The following RBFOX1 variants were observed in gnomAD, a reference collection of about 807,000 sequenced individuals.
The protein encoded by RBFOX1 is RNA binding fox-1 homolog 1.
In RBFOX1, 8 loss-of-function variants were observed where a neutral mutation model predicts 57.7. That is an observed-to-expected ratio of 0.14 (90% CI 0.08 to 0.25). RBFOX1 has a LOEUF of 0.25. Among genes scored for constraint, RBFOX1 ranks in the 10% least tolerant of loss-of-function variants. The pLI is 1.00. For synonymous variants in RBFOX1, 326 were observed against 222.4 expected (o/e 1.47, Z -4.15); for missense variants, 611 against 548.5 (o/e 1.11, Z -1.14).
At chr16:6,410,876 C>A (rs1048787308) in intron 2 of RBFOX1, among the ~76,000 whole-genome samples, 1 of 152,188 alleles carries the variant, frequency 6.6e-6, no homozygotes, top group African/African-American at 2.4e-5. Context: ...CTCTGAGCTT[C>A]AGGTTTCTCA....
intron 1 of RBFOX1, among the ~76,000 whole-genome samples, chr16:5,272,360 G>A (rs2063033552): frequency 6.6e-6 from 1 of 152,088 alleles, no homozygotes; most frequent in Non-Finnish European, 1.5e-5. Context: ...AATAACGTTA[G>A]TTAAAAAAAT....
intron 10 of RBFOX1, among the ~76,000 whole-genome samples, chr16:7,626,706 T>A (rs538996969): frequency 3.4e-4 from 50 of 149,230 alleles, no homozygotes; most frequent in African/African-American, 1.1e-3. Flanking sequence ...ACATGTAGTG[T>A]GTAAATCTAT....
chr16:6,895,430 GTGTGTGTGTGTGTGTGTGTATATA>G (rs2066540354), intron 3 of RBFOX1, among the ~76,000 whole-genome samples: 1 of 68,104 alleles, frequency 1.5e-5, no homozygotes, highest in South Asian at 5.5e-4. Context: ...GTGTGTGTGT[GTGTGTGTGTGTGTGTGTGTATATA>G]TATATATATA....
chr16:5,753,264 T>A (rs1017251414), intron 3 of RBFOX1, among the ~76,000 whole-genome samples: 2 of 152,082 alleles, frequency 1.3e-5, no homozygotes. Context: ...TCATTAAAAC[T>A]CTAGAAATAA....
intron 3 of RBFOX1, among the ~76,000 whole-genome samples, chr16:5,840,565 C>G (rs1310206779): frequency 6.6e-6 from 1 of 152,166 alleles, no homozygotes; most frequent in Non-Finnish European, 1.5e-5. Flanking sequence ...AAACACTGAG[C>G]TCTACAAGAA....
chr16:6,259,043 G>A (rs1457449151), intron 1 of RBFOX1, among the ~76,000 whole-genome samples: 1 of 152,178 alleles, frequency 6.6e-6, no homozygotes, highest in East Asian at 1.9e-4. Flanking sequence ...AATCAAAATT[G>A]TTATTTGCTT....
intron 3 of RBFOX1, among the ~76,000 whole-genome samples, chr16:6,945,755 G>A (rs894994855): frequency 6.6e-6 from 1 of 152,134 alleles, no homozygotes; most frequent in Non-Finnish European, 1.5e-5. Flanking sequence ...GCTGAGGGTG[G>A]TGGCAGGCAC....
intron 14 of RBFOX1, among the ~76,000 whole-genome samples, chr16:7,703,092 A>C (rs1260130208): frequency 6.7e-6 from 1 of 148,556 alleles, no homozygotes; most frequent in Non-Finnish European, 1.5e-5. Context: ...TCTAAAGAGC[A>C]TGCTTTTAGA....
intron 4 of RBFOX1, among the ~76,000 whole-genome samples, chr16:7,180,564 C>G (rs1416314904): frequency 6.6e-6 from 1 of 152,042 alleles, no homozygotes; most frequent in South Asian, 2.1e-4. Context: ...AATGAGGTGA[C>G]ATTAAGGATA....
chr16:7,264,484 A>G (rs927648613), intron 4 of RBFOX1, among the ~76,000 whole-genome samples: 1 of 152,200 alleles, frequency 6.6e-6, no homozygotes, highest in African/African-American at 2.4e-5. Flanking sequence ...TTTTTCTGTA[A>G]GGGCCAAAAG....
intron 3 of RBFOX1, among the ~76,000 whole-genome samples, chr16:6,793,018 G>C (rs376481982): frequency 8.5e-5 from 12 of 140,726 alleles, no homozygotes; most frequent in Middle Eastern, 3.6e-3. Context: ...GACAGAGTGA[G>C]ACTCCATCTG....
At position 6,893,435 on chromosome 16, in the gene RBFOX1, A is replaced by G. The variant is rs118019390; in HGVS notation, c.-15-158622A>G. 8.8e-3 allele frequency among the ~76,000 whole-genome samples: 1,333 copies of G among 152,286 alleles called. 11 individuals carry two copies. The highest frequency in any genetic ancestry group is 0.013 in the Non-Finnish European group (866 of 68,022). ...TTTACAGAAACTACCTCATTCATCA[A>G]AAGATCTTTCTTTTAAACCTGAACT... is the stretch of plus-strand genomic sequence containing the variant. On this transcript the variant is annotated intron_variant, in intron 3 of 15. Coordinates refer to ENST00000550418, the MANE Select transcript of RBFOX1 (RefSeq NM_018723.4).
At chr16:5,420,569 T>G (rs1030544705) in intron 1 of RBFOX1, among the ~76,000 whole-genome samples, 10 of 152,214 alleles carry the variant, frequency 6.6e-5, no homozygotes, top group African/African-American at 2.4e-4. Context: ...AGTGCAGTGG[T>G]GCAATCATGG....
At chr16:5,660,483 C>G (rs947224059) in intron 3 of RBFOX1, among the ~76,000 whole-genome samples, 1 of 152,296 alleles carries the variant, frequency 6.6e-6, no homozygotes, top group South Asian at 2.1e-4. Context: ...CAATGTGAGT[C>G]ATGAATGCCA....
chr16:7,597,550 C>G, intron 9 of RBFOX1, 119 bp downstream of exon 9: 1 of 821,712 alleles, frequency 1.2e-6, no homozygotes, highest in Non-Finnish European at 1.9e-6. Context: ...TGTGTTTTTA[C>G]TACTGACCTG....
intron 3 of RBFOX1, among the ~76,000 whole-genome samples, chr16:5,670,141 G>T (rs1410167825): frequency 1.3e-5 from 2 of 152,116 alleles, no homozygotes; most frequent in African/African-American, 4.8e-5. Flanking sequence ...CAAATTCATA[G>T]CGACAGCAGA....
chr16:7,527,011 C>G (rs2078856174), intron 5 of RBFOX1, among the ~76,000 whole-genome samples: 1 of 152,120 alleles, frequency 6.6e-6, no homozygotes, highest in Non-Finnish European at 1.5e-5. Flanking sequence ...TGGGGAGGGC[C>G]CCAGCAGACC....
At chr16:6,889,976 A>G (rs1025166760) in intron 3 of RBFOX1, among the ~76,000 whole-genome samples, 5 of 152,210 alleles carry the variant, frequency 3.3e-5, no homozygotes, top group Admixed American at 2.6e-4. Context: ...ATTCCAGGAG[A>G]CCAATGTGTT....
chr16:5,250,843 C>T (rs552923533), intron 1 of RBFOX1, among the ~76,000 whole-genome samples: 24 of 152,306 alleles, frequency 1.6e-4, no homozygotes, highest in East Asian at 3.9e-4. Flanking sequence ...TTTCCTCACA[C>T]ACATCACTTG....
Sources: allele counts gnomAD v4.1 joint callset (sites outside exome capture counted in the v4.1 genomes callset), GRCh38; gene constraint gnomAD v4.1.1; transcripts MANE v1.5; gene names NCBI Gene and HGNC (gene_info 2026-07-23, HGNC 2026-07-21).